ABLIM1: variants seen among roughly 807,000 people sequenced by gnomAD.
ABLIM1 encodes actin binding LIM protein 1.
A neutral mutation model predicts 107.0 loss-of-function variants in ABLIM1; 40 were observed. The ratio of observed to expected loss-of-function variants is 0.37; its 90% CI spans 0.29 to 0.49. ABLIM1 has a LOEUF of 0.49. Ranked by LOEUF, ABLIM1 falls within the 20% of genes least tolerant of loss-of-function variation. ABLIM1 has a pLI of 0.97. For missense variants in ABLIM1, 857 were observed against 1,008.5 expected (o/e 0.85, Z 2.04); for synonymous variants, 357 against 357.3 (o/e 1.00, Z 0.01).
chr10:114,632,242 A>G, intron 1 of ABLIM1: 1 of 985,328 alleles, frequency 1.0e-6, no homozygotes, highest in African/African-American at 1.7e-5. Context: ...TACTGTCCTA[A>G]TCTCTGGTCA....
intron 6 of ABLIM1, among the ~76,000 whole-genome samples, chr10:114,519,786 C>T (rs1425491377): frequency 6.6e-6 from 1 of 152,116 alleles, no homozygotes; most frequent in Non-Finnish European, 1.5e-5. Flanking sequence ...CTGGTCCTAC[C>T]CCCAGTGCTG....
chr10:114,797,228 T>C, the ABLIM1 span, among the ~76,000 whole-genome samples: 1,482 of 152,312 alleles, frequency 9.7e-3, 31 homozygotes, highest in African/African-American at 0.029. Flanking sequence ...TCATATTAGA[T>C]TTTAAGTTCC....
intron 1 of ABLIM1, among the ~76,000 whole-genome samples, chr10:114,682,386 T>C (rs1319090519): frequency 6.6e-6 from 1 of 152,220 alleles, no homozygotes; most frequent in African/African-American, 2.4e-5. Context: ...GCTTTGCTGT[T>C]GTTTTAAAAC....
At chr10:114,774,014 G>A in the ABLIM1 span, among the ~76,000 whole-genome samples, 2 of 151,700 alleles carry the variant, frequency 1.3e-5, no homozygotes, top group African/African-American at 4.8e-5. Context: ...ATAAAATGTG[G>A]TTCTTTGAAA....
chr10:114,734,515 C>G (rs2082139886), intron 1 of ABLIM1, among the ~76,000 whole-genome samples: 1 of 152,252 alleles, frequency 6.6e-6, no homozygotes, highest in East Asian at 1.9e-4. Context: ...AACTCTCGCA[C>G]CTTGTTCCCC....
At chr10:114,689,454 C>T (rs1431382164), upstream of ABLIM1, among the ~76,000 whole-genome samples, 3 of 151,192 alleles carry the variant, frequency 2.0e-5, no homozygotes, top group Admixed American at 6.6e-5. Context: ...CTCCACCTCC[C>T]GGGTTCAAGC....
intron 1 of ABLIM1, among the ~76,000 whole-genome samples, chr10:114,720,362 G>A (rs931895810): frequency 6.6e-6 from 1 of 152,280 alleles, no homozygotes; most frequent in African/African-American, 2.4e-5. Flanking sequence ...ATAACAGAAT[G>A]ATTTATATTC....
In ABLIM1 at chr10:114,599,027, C is replaced by T. The variant is rs114781527; in HGVS notation, c.379+2800G>A. On this transcript the variant is annotated intron_variant, in intron 2 of 22. Transcript: ENST00000533213. ...CTTGGGAAAAGTCACAGACTCCCTA[C>T]GGGATAAGGCATGGGGAACCTAAAC... Among the ~76,000 whole-genome samples, 569 of 152,016 alleles carry T rather than the reference C, an allele frequency of 3.7e-3. 3 individuals are homozygous for T. The highest frequency in any genetic ancestry group is 8.8e-3 in the African/African-American group (365 of 41,442).
At chr10:114,716,998 T>C (rs1317233717) in intron 1 of ABLIM1, among the ~76,000 whole-genome samples, 2 of 152,170 alleles carry the variant, frequency 1.3e-5, no homozygotes, top group Non-Finnish European at 2.9e-5. Flanking sequence ...CTCAGATCAC[T>C]GCCCTAAGTC....
At chr10:114,654,251 C>A (rs952910659) in intron 1 of ABLIM1, among the ~76,000 whole-genome samples, 1 of 152,180 alleles carries the variant, frequency 6.6e-6, no homozygotes, top group Admixed American at 6.5e-5. Context: ...TGTTTCACAG[C>A]ATGGAAGGCA....
chr10:114,579,396 A>G (rs901941392), intron 2 of ABLIM1, among the ~76,000 whole-genome samples: 3 of 152,230 alleles, frequency 2.0e-5, no homozygotes, highest in African/African-American at 7.2e-5. Context: ...CAGTGAAAAG[A>G]ACAAATGTCA....
chr10:114,562,758 C>G (rs959159600), intron 4 of ABLIM1, among the ~76,000 whole-genome samples: 5 of 152,168 alleles, frequency 3.3e-5, no homozygotes, highest in African/African-American at 1.2e-4. Context: ...GATTTACTCC[C>G]TCAGAGGCTC....
At chr10:114,454,579 G>C (rs1044278737) in intron 12 of ABLIM1, among the ~76,000 whole-genome samples, 2 of 152,200 alleles carry the variant, frequency 1.3e-5, no homozygotes, top group African/African-American at 2.4e-5. Flanking sequence ...GGGCAGAAAA[G>C]AGAGCAAAGG....
chr10:114,451,629 T>C lies in ABLIM1; in HGVS notation c.1589A>G (p.Gln530Arg). ...CGGAGGAAAGCGGGTTTTACCATGC[T>C]GTTTGTAGATGGGTGGCTTTCGGTA... Reference protein sequence around the residue: ...NIYRKPPIYKQHAALAAQSKS... With the variant: ...NIYRKPPIYKRHAALAAQSKS... Residue 530 changes from glutamine (Q) to arginine (R), a missense_variant, in exon 14 of 23, where the codon CAG becomes CGG. Gln to Arg is a conservative substitution (Grantham distance 43). This residue lies in a region of ABLIM1 where 103 missense variants were observed against 101.0 expected (regional missense o/e 1.02). Coordinates refer to ENST00000533213, the MANE Select transcript of ABLIM1 (RefSeq NM_002313.7). 3 of 1,613,370 alleles carry C rather than the reference T, an allele frequency of 1.9e-6. No individual in the cohort carries two copies. Among genetic ancestry groups the C allele is most frequent in the Admixed American group, 1.7e-5 (1 of 59,988 alleles).
intron 1 of ABLIM1, among the ~76,000 whole-genome samples, chr10:114,714,105 A>T (rs2081610383): frequency 6.6e-6 from 1 of 152,212 alleles, no homozygotes; most frequent in Non-Finnish European, 1.5e-5. Context: ...CCAAAAGAAC[A>T]CTGTCTGAAG....
chr10:114,612,260 G>C (rs1046341247), intron 1 of ABLIM1, among the ~76,000 whole-genome samples: 2 of 152,286 alleles, frequency 1.3e-5, no homozygotes, highest in Middle Eastern at 3.4e-3. Context: ...CACAGGAGCA[G>C]GTTGCTGATA....
At chr10:114,726,906 C>T (rs1311905633) in intron 1 of ABLIM1, among the ~76,000 whole-genome samples, 5 of 152,210 alleles carry the variant, frequency 3.3e-5, no homozygotes, top group Non-Finnish European at 7.3e-5. Context: ...TACATTTCAA[C>T]CTGACATTTG....
At chr10:114,784,691 A>AAAAAAAAAAAAAAAAAG in the ABLIM1 span, among the ~76,000 whole-genome samples, 1 of 34,228 alleles carries the variant, frequency 2.9e-5, no homozygotes, top group Non-Finnish European at 8.0e-5. Context: ...AAAGAAAAAG[A>AAAAAAAAAAAAAAAAAG]AAAAAAAAAA....
the ABLIM1 span, chr10:114,776,300 A>T: frequency 6.6e-6 from 1 of 151,986 alleles, no homozygotes; most frequent in African/African-American, 2.4e-5. Context: ...AAGGTAAAGC[A>T]TATTTTTTCC....
Sources: gnomAD v4.1 joint callset for allele counts (sites outside exome capture counted in the v4.1 genomes callset) on GRCh38, gnomAD v4.1.1 for gene constraint, gnomAD v4.1.1 regional missense constraint, MANE v1.5 for transcripts, NCBI Gene and HGNC (gene_info 2026-07-23, HGNC 2026-07-21) for gene names.